The following JMJD1C variants were observed in gnomAD, a reference collection of about 807,000 sequenced individuals.
JMJD1C encodes the protein jumonji domain-containing protein 1C.
A neutral mutation model predicts 245.3 loss-of-function variants in JMJD1C; 31 were observed. The ratio of observed to expected loss-of-function variants is 0.13; its 90% CI spans 0.09 to 0.17. The LOEUF (loss-of-function observed/expected upper bound fraction) is 0.17. Ranked by LOEUF, JMJD1C falls within the 10% of genes least tolerant of loss-of-function variation. JMJD1C has a pLI of 1.00. For missense variants in JMJD1C, 2,691 were observed against 3,000.2 expected (o/e 0.90, Z 2.41); for synonymous variants, 1,057 against 1,017.4 (o/e 1.04, Z -0.74).
At chr10:63,487,796 C>T (rs1265666884) in intron 1 of JMJD1C, among the ~76,000 whole-genome samples, 1 of 152,140 alleles carries the variant, frequency 6.6e-6, no homozygotes, top group Non-Finnish European at 1.5e-5. Flanking sequence ...CTACATTCAT[C>T]GGGAATAATG....
rs192360179 is a variant in JMJD1C, at chr10:63,292,014, G to C, written c.334-27250C>G. Among the ~76,000 whole-genome samples the C allele has an allele frequency of 1.7e-4, 26 of 151,898 alleles. No homozygotes were observed. The East Asian group carries it at 4.6e-3, about 27-fold the overall frequency. On this transcript the variant is annotated intron_variant, in intron 2 of 25. Transcript: ENST00000399262. ...TGCCTAGGCTGGAGTGTCATGGCAC[G>C]ATCACAGCTCACTACATTATCAGCC...
At chr10:63,464,750 C>G (rs2393980) in intron 1 of JMJD1C, among the ~76,000 whole-genome samples, 21,004 of 151,288 alleles carry the variant, frequency 0.14, 2,094 homozygotes, top group Admixed American at 0.29. Flanking sequence ...TTTTAATTGA[C>G]AACATTTTTC....
intron 2 of JMJD1C, among the ~76,000 whole-genome samples, chr10:63,324,296 G>A (rs921563882): frequency 1.1e-4 from 17 of 151,508 alleles, no homozygotes; most frequent in African/African-American, 3.6e-4. Context: ...AGAAACCAAG[G>A]TTCAGAAAAG....
chr10:63,250,365 A>T (rs1243041157), intron 3 of JMJD1C, among the ~76,000 whole-genome samples: 2 of 152,154 alleles, frequency 1.3e-5, no homozygotes, highest in Non-Finnish European at 2.9e-5. Flanking sequence ...ATTTATAGAC[A>T]AGACAAGATG....
chr10:63,383,630 G>T (rs555737194), intron 1 of JMJD1C, among the ~76,000 whole-genome samples: 1 of 152,154 alleles, frequency 6.6e-6, no homozygotes, highest in African/African-American at 2.4e-5. Flanking sequence ...AGCCAGGGAG[G>T]TTGAGGCTGC....
At position 63,185,792 on chromosome 10, in the gene JMJD1C, TTACTTATG is replaced by T. The variant is rs150646588; in HGVS notation, c.6740-147_6740-140del. 4,537 of 631,474 alleles carry T rather than the reference TTACTTATG, an allele frequency of 7.2e-3. 142 individuals are homozygous for T. Among genetic ancestry groups the T allele is most frequent in the African/African-American group, 0.071 (3,889 of 54,632 alleles). The allele number at this position is 631,474 out of a possible 1,614,324, so 39.1% of individuals were successfully genotyped here. A position where few individuals can be genotyped will look rare whatever the true frequency, so the allele number is the denominator to read the frequency against. On this transcript the variant is annotated intron_variant, in intron 19 of 25. Coordinates refer to ENST00000399262, the MANE Select transcript of JMJD1C (RefSeq NM_032776.3). ...TAATGATTGCTTGCTTATTGACTTA[TTACTTATG>T]TACTTATGTAGTATTAAAACCTTTG...
chr10:63,291,310 GAAAAAAAAAAA>G (rs59082600), intron 2 of JMJD1C, among the ~76,000 whole-genome samples: 3 of 69,136 alleles, frequency 4.3e-5, no homozygotes, highest in African/African-American at 2.0e-4. Flanking sequence ...GTCTGTCTCA[GAAAAAAAAAAA>G]AAAAAAAAAA....
intron 1 of JMJD1C, among the ~76,000 whole-genome samples, chr10:63,423,933 C>T (rs1238180679): frequency 6.6e-6 from 1 of 152,174 alleles, no homozygotes; most frequent in Non-Finnish European, 1.5e-5. Flanking sequence ...TGGCCATTTT[C>T]ATATCTTTGT....
chr10:63,226,897 T>C (rs1363284094), intron 3 of JMJD1C, among the ~76,000 whole-genome samples: 2 of 151,680 alleles, frequency 1.3e-5, no homozygotes, highest in Non-Finnish European at 2.9e-5. Flanking sequence ...ACCTCATCTC[T>C]ACTAAAAAAT....
intron 1 of JMJD1C, among the ~76,000 whole-genome samples, chr10:63,404,829 G>T (rs1045756530): frequency 6.6e-6 from 1 of 152,128 alleles, no homozygotes; most frequent in African/African-American, 2.4e-5. Flanking sequence ...TATAAAGAAT[G>T]TTTTAACATT....
At chr10:63,369,254 G>C (rs760038280) in intron 2 of JMJD1C, among the ~76,000 whole-genome samples, 2 of 151,298 alleles carry the variant, frequency 1.3e-5, no homozygotes, top group Non-Finnish European at 2.9e-5. Flanking sequence ...AGCAATTCTC[G>C]CCTCAGCCTC....
At chr10:63,337,185 A>C (rs1185391578) in intron 2 of JMJD1C, among the ~76,000 whole-genome samples, 3 of 151,688 alleles carry the variant, frequency 2.0e-5, no homozygotes. Context: ...GCTTTGTAAA[A>C]TCATAGAAAC....
intron 3 of JMJD1C, chr10:63,222,412 G>T (rs34899893): frequency 0.25 from 235,049 of 937,252 alleles, 33,365 homozygotes; most frequent in Non-Finnish European, 0.3. Flanking sequence ...AATTTGAAAA[G>T]AATAACCCTG....
chr10:63,270,563 C>T (rs1856174088), intron 2 of JMJD1C, among the ~76,000 whole-genome samples: 1 of 151,910 alleles, frequency 6.6e-6, no homozygotes, highest in African/African-American at 2.4e-5. Flanking sequence ...GGCTCCTGGG[C>T]TCGAGCGATC....
intron 3 of JMJD1C, among the ~76,000 whole-genome samples, chr10:63,245,133 CAAAAAAAAAAAAA>C (rs71025133): frequency 1.5e-4 from 10 of 65,696 alleles, no homozygotes; most frequent in African/African-American, 5.4e-4. Flanking sequence ...GACTCTGTCT[CAAAAAAAAAAAAA>C]AAAAAAAAAA....
Position 63,405,469 on chromosome 10 carries a change from C to T in JMJD1C, c.169-24987G>A, listed in dbSNP as rs188014913. On this transcript the variant is annotated intron_variant, in intron 1 of 25. Transcript: ENST00000399262. ...CCAAGTAGCTGGGATTACAGGTGTG[C>T]GCCACCAAGCTCAGCTAATTTTTTT... Among the ~76,000 whole-genome samples, 65 of 152,022 alleles carry T rather than the reference C, an allele frequency of 4.3e-4. 1 individual carries two copies. In the East Asian group the frequency reaches 9.3e-3, roughly 22 times the overall value.
At chr10:63,348,536 G>C (rs960408359) in intron 2 of JMJD1C, among the ~76,000 whole-genome samples, 1 of 152,148 alleles carries the variant, frequency 6.6e-6, no homozygotes, top group African/African-American at 2.4e-5. Flanking sequence ...TATGCAGGTC[G>C]CCTATCTCAT....
chr10:63,485,047 A>C (rs1291635200), intron 1 of JMJD1C, among the ~76,000 whole-genome samples: 1 of 151,748 alleles, frequency 6.6e-6, no homozygotes, highest in Admixed American at 6.6e-5. Context: ...AACCCACTAA[A>C]GGGATGGTAA....
At chr10:63,386,265 A>G (rs895422180) in intron 1 of JMJD1C, among the ~76,000 whole-genome samples, 1 of 152,182 alleles carries the variant, frequency 6.6e-6, no homozygotes, top group Non-Finnish European at 1.5e-5. Flanking sequence ...ACTGTGGGCT[A>G]CTGCTGCCAG....
Sources: allele counts gnomAD v4.1 joint callset (sites outside exome capture counted in the v4.1 genomes callset), GRCh38; gene constraint gnomAD v4.1.1; transcripts MANE v1.5; gene names NCBI Gene and HGNC (gene_info 2026-07-23, HGNC 2026-07-21).